WWOX: variants seen among roughly 807,000 people sequenced by gnomAD.
The protein encoded by WWOX is WW domain containing oxidoreductase.
A neutral mutation model predicts 46.2 loss-of-function variants in WWOX; 69 were observed. The ratio of observed to expected loss-of-function variants is 1.49; its 90% CI spans 1.23 to 1.82. The LOEUF (loss-of-function observed/expected upper bound fraction) is 1.82. WWOX is among the 40% of genes most tolerant of loss of function. The pLI, the probability that WWOX is intolerant of heterozygous loss-of-function variation, is 0.00. For synonymous variants in WWOX, 359 were observed against 202.6 expected (o/e 1.77, Z -6.56); for missense variants, 919 against 542.6 (o/e 1.69, Z -6.89).
intron 8 of WWOX, among the ~76,000 whole-genome samples, chr16:78,447,246 C>G (rs922018821): frequency 2.6e-5 from 4 of 152,186 alleles, no homozygotes; most frequent in East Asian, 3.9e-4. Context: ...AGATCTGTAA[C>G]TCTGTACATT....
At chr16:78,762,329 C>A (rs1374959817) in intron 8 of WWOX, among the ~76,000 whole-genome samples, 2 of 152,180 alleles carry the variant, frequency 1.3e-5, no homozygotes, top group African/African-American at 2.4e-5. Flanking sequence ...GCTGGAGGTA[C>A]AGAATCTCAG....
chr16:78,645,002 A>G (rs2046806475), intron 8 of WWOX, among the ~76,000 whole-genome samples: 1 of 152,192 alleles, frequency 6.6e-6, no homozygotes, highest in Admixed American at 6.5e-5. Flanking sequence ...TGAGTTTAAG[A>G]TGAAGGAAAT....
chr16:78,559,044 G>A (rs1352163989), intron 8 of WWOX, among the ~76,000 whole-genome samples: 4 of 152,148 alleles, frequency 2.6e-5, no homozygotes, highest in South Asian at 2.1e-4. Flanking sequence ...AGATCTGGCC[G>A]CTACGTGGAA....
chr16:78,099,946 A>C (rs1286994623), intron 1 of WWOX, 61 bp downstream of exon 1: 1 of 1,532,726 alleles, frequency 6.5e-7, no homozygotes, highest in African/African-American at 1.4e-5. Flanking sequence ...CACGGACGCC[A>C]CCTGCGCGGG....
chr16:78,920,122 C>A (rs930307546), intron 8 of WWOX, among the ~76,000 whole-genome samples: 6 of 152,102 alleles, frequency 3.9e-5, no homozygotes, highest in Non-Finnish European at 7.4e-5. Context: ...ACTGTAGGGC[C>A]GTCAAGAGCT....
intron 8 of WWOX, among the ~76,000 whole-genome samples, chr16:78,808,280 G>A (rs547154778): frequency 9.8e-5 from 15 of 152,288 alleles, no homozygotes; most frequent in Admixed American, 7.8e-4. Context: ...TTTGGACTAT[G>A]GATCCGTTTG....
chr16:78,720,118 C>G (rs549868055), intron 8 of WWOX, among the ~76,000 whole-genome samples: 1 of 152,144 alleles, frequency 6.6e-6, no homozygotes, highest in African/African-American at 2.4e-5. Flanking sequence ...ACTCTTGCTT[C>G]TTGGTCTTAC....
chr16:79,128,800 C>T (rs926948756), intron 8 of WWOX, among the ~76,000 whole-genome samples: 1 of 152,162 alleles, frequency 6.6e-6, no homozygotes, highest in Non-Finnish European at 1.5e-5. Flanking sequence ...GAGGCTAGGT[C>T]TCCTTACATA....
intron 8 of WWOX, among the ~76,000 whole-genome samples, chr16:78,858,632 TC>T (rs2052626506): frequency 6.6e-6 from 1 of 152,034 alleles, no homozygotes; most frequent in Non-Finnish European, 1.5e-5. Context: ...GAGGGAATTT[TC>T]TTTCTTTTTT....
intron 8 of WWOX, among the ~76,000 whole-genome samples, chr16:79,175,121 C>G (rs1006173085): frequency 6.6e-6 from 1 of 152,206 alleles, no homozygotes; most frequent in African/African-American, 2.4e-5. Context: ...GGGCAACCTA[C>G]TGGGTCTAGC....
intron 8 of WWOX, among the ~76,000 whole-genome samples, chr16:78,805,877 C>T (rs1056109241): frequency 1.1e-4 from 17 of 152,088 alleles, no homozygotes; most frequent in Non-Finnish European, 2.1e-4. Flanking sequence ...TTTTTTCTGC[C>T]TTGTTGGGTC....
chr16:78,132,958 T>G (rs2033654701), intron 4 of WWOX, among the ~76,000 whole-genome samples: 1 of 152,232 alleles, frequency 6.6e-6, no homozygotes, highest in Non-Finnish European at 1.5e-5. Context: ...CTTCAGCTTA[T>G]GATTTTACAT....
At chr16:78,985,285 T>A (rs967113859) in intron 8 of WWOX, among the ~76,000 whole-genome samples, 1 of 152,214 alleles carries the variant, frequency 6.6e-6, no homozygotes, top group Admixed American at 6.5e-5. Flanking sequence ...CAGTGCATTA[T>A]GTCAGAATAG....
intron 8 of WWOX, among the ~76,000 whole-genome samples, chr16:79,168,953 A>G (rs2050647649): frequency 6.6e-6 from 1 of 152,246 alleles, no homozygotes; most frequent in African/African-American, 2.4e-5. Context: ...CTCACTTTGA[A>G]AACTGGCCCA....
intron 8 of WWOX, among the ~76,000 whole-genome samples, chr16:78,580,319 C>T (rs920814791): frequency 5.3e-5 from 8 of 152,104 alleles, no homozygotes; most frequent in Non-Finnish European, 8.8e-5. Flanking sequence ...AGTATTGCAC[C>T]TTCCTCGGCC....
At chr16:78,121,482 A>T (rs1444715593) in intron 4 of WWOX, among the ~76,000 whole-genome samples, 1 of 152,228 alleles carries the variant, frequency 6.6e-6, no homozygotes, top group African/African-American at 2.4e-5. Flanking sequence ...TCACGTGATC[A>T]AAGTATTTGA....
intron 5 of WWOX, among the ~76,000 whole-genome samples, chr16:78,290,877 G>T (rs920104966): frequency 6.6e-6 from 1 of 152,154 alleles, no homozygotes; most frequent in South Asian, 2.1e-4. Flanking sequence ...TTATGAGAAG[G>T]CTTATATTAT....
chr16:78,807,262 G>A (rs2051065631), intron 8 of WWOX, among the ~76,000 whole-genome samples: 1 of 152,172 alleles, frequency 6.6e-6, no homozygotes, highest in African/African-American at 2.4e-5. Context: ...TGAAGGTCAG[G>A]CAGGAAACAG....
intron 8 of WWOX, chr16:78,551,220 C>T (rs2044165226): frequency 6.6e-6 from 1 of 152,090 alleles, no homozygotes; most frequent in African/African-American, 2.4e-5. Context: ...ACTGTGAAAT[C>T]ATACCACTGA....
Sources: gnomAD v4.1 joint callset for allele counts (sites outside exome capture counted in the v4.1 genomes callset) on GRCh38, gnomAD v4.1.1 for gene constraint, MANE v1.5 for transcripts, NCBI Gene and HGNC (gene_info 2026-07-23, HGNC 2026-07-21) for gene names.